Variants in CSGALNACT1 observed in about 807,000 individuals in gnomAD.
CSGALNACT1 encodes the protein chondroitin sulfate N-acetylgalactosaminyltransferase 1.
CSGALNACT1 carries 52 observed loss-of-function variants against 51.0 expected under a neutral mutation model. The ratio of observed to expected loss-of-function variants is 1.02; its 90% CI spans 0.82 to 1.29. The LOEUF is 1.29. CSGALNACT1 is among the 50% of genes most tolerant of loss of function. The pLI is 0.00. For missense variants in CSGALNACT1, 935 were observed against 679.2 expected (o/e 1.38, Z -4.19); for synonymous variants, 341 against 254.4 (o/e 1.34, Z -3.24).
chr8:19,738,463 C>T (rs1343699490), intron 1 of CSGALNACT1, among the ~76,000 whole-genome samples: 1 of 151,972 alleles, frequency 6.6e-6, no homozygotes, highest in African/African-American at 2.4e-5. Context: ...TGGTGGTTGT[C>T]AGGGGCTGGA....
intron 1 of CSGALNACT1, among the ~76,000 whole-genome samples, chr8:19,628,208 A>T (rs912258469): frequency 6.6e-6 from 1 of 152,184 alleles, no homozygotes; most frequent in African/African-American, 2.4e-5. Flanking sequence ...TTTACAAAGG[A>T]AAGAGGTTAA....
At chr8:19,599,770 T>C (rs1283317106) in intron 2 of CSGALNACT1, among the ~76,000 whole-genome samples, 1 of 152,198 alleles carries the variant, frequency 6.6e-6, no homozygotes, top group Non-Finnish European at 1.5e-5. Context: ...TGCTCCTTAC[T>C]TTTATAGACT....
chr8:19,524,111 C>T (rs146484821), intron 3 of CSGALNACT1, among the ~76,000 whole-genome samples: 2 of 152,082 alleles, frequency 1.3e-5, no homozygotes, highest in African/African-American at 4.8e-5. Context: ...CTGGGCAACA[C>T]AGCAAGACCC....
rs557076227 is a variant in CSGALNACT1, at chr8:19,516,488, A to G, written c.-296-10358T>C. Among the ~76,000 whole-genome samples, 4 of 152,206 alleles carry G rather than the reference A, an allele frequency of 2.6e-5. No individual in the cohort carries two copies. The South Asian group carries it at 8.3e-4, about 32-fold the overall frequency. ...TATTTATGAGCTTGCCTGGCCCCTC[A>G]AACGTGGCATGAATCACTGCTTCTC... On this transcript the variant is annotated intron_variant, in intron 3 of 9. Transcript: ENST00000454498.
chr8:19,570,186 C>G (rs1465564284), intron 3 of CSGALNACT1, among the ~76,000 whole-genome samples: 1 of 151,722 alleles, frequency 6.6e-6, no homozygotes, highest in Non-Finnish European at 1.5e-5. Context: ...GAACTGTATA[C>G]TTAAGATTTT....
chr8:19,514,804 G>A (rs2154022066), intron 3 of CSGALNACT1, among the ~76,000 whole-genome samples: 1 of 151,922 alleles, frequency 6.6e-6, no homozygotes, highest in African/African-American at 2.4e-5. Context: ...CTGTACTCCA[G>A]CCTGGGGGAC....
At chr8:19,688,346 G>C (rs1307425811) in intron 1 of CSGALNACT1, among the ~76,000 whole-genome samples, 1 of 152,086 alleles carries the variant, frequency 6.6e-6, no homozygotes. Context: ...GATTGATTCT[G>C]TAAAAAAAAA....
At chr8:19,466,488 T>C (rs1158825264) in intron 4 of CSGALNACT1, among the ~76,000 whole-genome samples, 1 of 152,238 alleles carries the variant, frequency 6.6e-6, no homozygotes, top group Admixed American at 6.5e-5. Flanking sequence ...AAATGCTTAG[T>C]ATTTTACTCT....
intron 1 of CSGALNACT1, among the ~76,000 whole-genome samples, chr8:19,750,646 A>G (rs1243561437): frequency 6.6e-6 from 1 of 152,206 alleles, no homozygotes; most frequent in Non-Finnish European, 1.5e-5. Context: ...CCCCCTAGTC[A>G]GTAAGGAGTA....
At chr8:19,740,351 T>C (rs1280513583) in intron 1 of CSGALNACT1, among the ~76,000 whole-genome samples, 4 of 152,214 alleles carry the variant, frequency 2.6e-5, no homozygotes, top group Non-Finnish European at 5.9e-5. Flanking sequence ...GAGTCTGCTG[T>C]CCAGGCAGCC....
chr8:19,433,252 C>A (rs548412815), intron 6 of CSGALNACT1, among the ~76,000 whole-genome samples: 1 of 152,276 alleles, frequency 6.6e-6, no homozygotes, highest in African/African-American at 2.4e-5. Context: ...TTGGGATACA[C>A]CTTCAGCACT....
intron 1 of CSGALNACT1, among the ~76,000 whole-genome samples, chr8:19,617,781 T>G (rs887360755): frequency 6.6e-5 from 10 of 152,230 alleles, no homozygotes; most frequent in African/African-American, 2.4e-4. Flanking sequence ...AAAATAAAAT[T>G]GTGCTGATTT....
In CSGALNACT1 at chr8:19,672,191, T is replaced by C. The variant is rs925433229; in HGVS notation, c.-544+10282A>G. Among the ~76,000 whole-genome samples the C allele has an allele frequency of 5.3e-5, 8 of 152,328 alleles. No homozygotes were observed. The South Asian group carries it at 1.2e-3, about 24-fold the overall frequency. ...CTCCCACACATGGCAATTTTTTCCA[T>C]CAAGCTCATGGAATTTCTTCGGCTT... On this transcript the variant is annotated intron_variant, in intron 1 of 9. Transcript: ENST00000332246.
At chr8:19,616,731 C>A (rs2053076248) in intron 1 of CSGALNACT1, among the ~76,000 whole-genome samples, 1 of 152,098 alleles carries the variant, frequency 6.6e-6, no homozygotes, top group African/African-American at 2.4e-5. Context: ...GTATCTGCTC[C>A]TGCCTCACCT....
At chr8:19,485,221 G>A (rs762844932) in intron 4 of CSGALNACT1, among the ~76,000 whole-genome samples, 6 of 151,858 alleles carry the variant, frequency 4.0e-5, no homozygotes, top group Admixed American at 2.6e-4. Flanking sequence ...TTCCCATCTC[G>A]GTCAATCACA....
intron 4 of CSGALNACT1, among the ~76,000 whole-genome samples, chr8:19,470,807 A>C (rs1333852473): frequency 6.6e-6 from 1 of 152,196 alleles, no homozygotes. Flanking sequence ...GTTAAGAGAC[A>C]AAAATGCGCT....
At position 19,505,665 on chromosome 8, in the gene CSGALNACT1, T is replaced by G. The variant is rs1054762284; in HGVS notation, c.170A>C (p.Tyr57Ser). The stretch of plus-strand genomic sequence containing the variant: ...CTCCCACTCCTGAAGGACGGCCTGG[T>G]ACCCCTCCTTCCCCGTGGGGCTGTT... The change falls in exon 4 of 10, where the codon TAC becomes TCC. Residue 57 changes from tyrosine to serine, a missense_variant. Transcript: ENST00000454498. The G allele has an allele frequency of 1.2e-6, 2 of 1,614,042 alleles. No homozygotes were observed. The highest frequency in any genetic ancestry group is 2.7e-5 in the African/African-American group (2 of 74,910).
chr8:19,709,462 T>C (rs1439761404), intron 1 of CSGALNACT1, among the ~76,000 whole-genome samples: 3 of 152,202 alleles, frequency 2.0e-5, no homozygotes, highest in African/African-American at 7.2e-5. Flanking sequence ...TAGGATGTCA[T>C]GCTTTGGGTT....
chr8:19,453,465 G>A (rs1476997152), intron 5 of CSGALNACT1, among the ~76,000 whole-genome samples: 1 of 152,130 alleles, frequency 6.6e-6, no homozygotes, highest in Non-Finnish European at 1.5e-5. Flanking sequence ...GCTAATAAAT[G>A]GAGAAGACCT....
Sources: allele counts gnomAD v4.1 joint callset (sites outside exome capture counted in the v4.1 genomes callset), GRCh38; gene constraint gnomAD v4.1.1; transcripts MANE v1.5; gene names NCBI Gene and HGNC (gene_info 2026-07-23, HGNC 2026-07-21).